Variants in PLS1 observed in about 807,000 individuals in gnomAD.
The protein encoded by PLS1 is plastin-1.
A neutral mutation model predicts 73.7 loss-of-function variants in PLS1; 32 were observed. The observed-to-expected ratio is 0.43, with a 90% CI of 0.33 to 0.58. PLS1 has a LOEUF of 0.58. Ranked by LOEUF, PLS1 falls within the 20% of genes least tolerant of loss-of-function variation. The pLI is 0.04. For synonymous variants in PLS1, 217 were observed against 261.3 expected, an observed-to-expected ratio of 0.83 and a Z score of 1.63; for missense variants, 633 against 740.5, an observed-to-expected ratio of 0.85 and a Z score of 1.68.
chr3:142,712,278 G>T lies in PLS1; in HGVS notation c.*271G>T. The T allele has an allele frequency of 3.7e-6, 1 of 270,792 alleles. No homozygotes were observed. Among genetic ancestry groups the T allele is most frequent in the Non-Finnish European group, 6.9e-6 (1 of 143,978 alleles). The allele number at this position is 270,792 out of a possible 1,614,324, so 16.8% of individuals were successfully genotyped here. A position where few individuals can be genotyped will look rare whatever the true frequency, so the allele number is the denominator to read the frequency against. On this transcript the variant is annotated 3_prime_UTR_variant, in exon 16 of 16. Coordinates refer to ENST00000457734, the MANE Select transcript of PLS1 (RefSeq NM_001145319.2). ...AAATTATTTTTGTTGCTTAAAAGTC[G>T]TATTAGACAAGACTAAATCATTCTT...
chr3:142,686,806 G>A (rs1299706100), intron 9 of PLS1, among the ~76,000 whole-genome samples: 1 of 152,198 alleles, frequency 6.6e-6, no homozygotes, highest in Non-Finnish European at 1.5e-5. Flanking sequence ...CGGAAGAAAG[G>A]GAACTGCGTA....
intron 1 of PLS1, among the ~76,000 whole-genome samples, chr3:142,620,085 A>G (rs2036287296): frequency 6.6e-6 from 1 of 151,874 alleles, no homozygotes; most frequent in African/African-American, 2.4e-5. Context: ...CTCAGGGGTC[A>G]TCACTACCCT....
At chr3:142,694,960 T>TA (rs2038163114) in intron 11 of PLS1, among the ~76,000 whole-genome samples, 1 of 152,184 alleles carries the variant, frequency 6.6e-6, no homozygotes, top group Non-Finnish European at 1.5e-5. Flanking sequence ...AAAAGTAACT[T>TA]GTTTTCCTTG....
chr3:142,684,860 T>G (rs2107892734), intron 8 of PLS1, among the ~76,000 whole-genome samples: 2 of 152,286 alleles, frequency 1.3e-5, no homozygotes, highest in African/African-American at 4.8e-5. Context: ...TTAACCAGGG[T>G]AGCTTAAAAC....
intron 9 of PLS1, 31 bp downstream of exon 9, chr3:142,686,407 T>C: frequency 1.5e-6 from 2 of 1,297,666 alleles, no homozygotes; most frequent in East Asian, 2.3e-5. Context: ...TTAAAATATA[T>C]TGTGGTAAAA....
intron 14 of PLS1, among the ~76,000 whole-genome samples, chr3:142,706,542 CTAAA>C (rs773085177): frequency 6.6e-6 from 1 of 151,894 alleles, no homozygotes; most frequent in Non-Finnish European, 1.5e-5. Flanking sequence ...GGATTTTGGC[CTAAA>C]TAAAGGATAT....
Position 142,664,316 on chromosome 3 carries a change from G to A in PLS1, c.70+9G>A, listed in dbSNP as rs752427577. ...GGCATTTAATAAAATAGGTATGCTT[G>A]AGAAAAAGTAAATATGATATTACTG... On this transcript the variant is annotated intron_variant, in intron 2 of 15. Transcript: ENST00000457734. 6.9e-7 allele frequency: 1 copy of A among 1,450,180 alleles called. No homozygotes were observed. Among genetic ancestry groups the A allele is most frequent in the Non-Finnish European group, 9.6e-7 (1 of 1,039,434 alleles). The allele number at this position is 1,450,180 out of a possible 1,614,324, so 89.8% of individuals were successfully genotyped here. A position where few individuals can be genotyped will look rare whatever the true frequency, so the allele number is the denominator to read the frequency against.
rs552995510 is a variant in PLS1 at position 142,603,710 on chromosome 3, C to T, written c.-37+7201C>T. 1.7e-4 allele frequency among the ~76,000 whole-genome samples: 26 copies of T among 151,212 alleles called. No individual in the cohort carries two copies. In the South Asian group the frequency reaches 5.4e-3, roughly 32 times the overall value. On this transcript the variant is annotated intron_variant, in intron 1 of 15. Transcript: ENST00000457734. ...TTTTGAGCCCAGGAGATTGAGGCTG[C>T]AGTGACCTGAGATTGTGCCACTGCA...
chr3:142,624,966 C>T (rs919721058), intron 1 of PLS1, among the ~76,000 whole-genome samples: 2 of 152,046 alleles, frequency 1.3e-5, no homozygotes, highest in Non-Finnish European at 2.9e-5. Flanking sequence ...CTTTTATGAT[C>T]CCAGTTTAGA....
chr3:142,601,915 AC>A (rs2035934327), intron 1 of PLS1, among the ~76,000 whole-genome samples: 1 of 152,040 alleles, frequency 6.6e-6, no homozygotes, highest in Non-Finnish European at 1.5e-5. Flanking sequence ...CTGAGATTTG[AC>A]CCCAGGCCTA....
intron 2 of PLS1, among the ~76,000 whole-genome samples, chr3:142,665,172 G>T (rs189518198): frequency 1.7e-3 from 263 of 151,302 alleles, no homozygotes; most frequent in Admixed American, 3.9e-3. Flanking sequence ...ATCACCGCTG[G>T]TCTTGTGCTT....
intron 3 of PLS1, among the ~76,000 whole-genome samples, chr3:142,670,315 T>G (rs2107842462): frequency 6.6e-6 from 1 of 152,318 alleles, no homozygotes; most frequent in South Asian, 2.1e-4. Flanking sequence ...GAAAGAAGGT[T>G]TGTGTGACTG....
At chr3:142,620,556 A>C (rs1388808885) in intron 1 of PLS1, among the ~76,000 whole-genome samples, 2 of 152,236 alleles carry the variant, frequency 1.3e-5, no homozygotes, top group African/African-American at 4.8e-5. Context: ...TCTTGCCCCG[A>C]AGGTGCATTT....
At position 142,711,546 on chromosome 3, in the gene PLS1, G is replaced by A. The variant is rs1450488100; in HGVS notation, c.1675G>A (p.Ala559Thr). 1 of 1,601,238 alleles carries A rather than the reference G, an allele frequency of 6.2e-7. No individual in the cohort carries two copies. The highest frequency in any genetic ancestry group is 1.3e-5 in the African/African-American group (1 of 74,642). ...TSLPVLDLID[A>T]IAPNAVRQEM... ...TTTACCTGTCCTAGATTTAATAGAT[G>A]CCATTGCACCAAATGCAGTTCGTCA... The change falls in exon 15 of 16, where the codon GCC becomes ACC. Residue 559 changes from alanine (A) to threonine (T), a missense_variant. Transcript: ENST00000457734.
chr3:142,646,835 C>A (rs547813866), intron 1 of PLS1, among the ~76,000 whole-genome samples: 152 of 152,270 alleles, frequency 1.0e-3, no homozygotes, highest in Non-Finnish European at 1.8e-3. Flanking sequence ...AGTGAAAATA[C>A]CTTAATTGGT....
intron 12 of PLS1, among the ~76,000 whole-genome samples, chr3:142,702,461 G>A (rs1224517122): frequency 6.6e-6 from 1 of 152,112 alleles, no homozygotes; most frequent in Non-Finnish European, 1.5e-5. Flanking sequence ...AAATGTATCT[G>A]TGTACCTTAG....
At chr3:142,632,708 C>G (rs1407337531) in intron 1 of PLS1, among the ~76,000 whole-genome samples, 3 of 151,982 alleles carry the variant, frequency 2.0e-5, no homozygotes, top group Non-Finnish European at 2.9e-5. Context: ...CAGCGATTCT[C>G]CTGTCTTGGC....
Position 142,605,725 on chromosome 3 carries a change from A to C in PLS1, c.-37+9216A>C, listed in dbSNP as rs147668517. Among the ~76,000 whole-genome samples, 171 of 152,326 alleles carry C rather than the reference A, an allele frequency of 1.1e-3. 1 individual carries two copies. Among genetic ancestry groups the C allele is most frequent in the Non-Finnish European group, 1.1e-3 (72 of 68,038 alleles). ...TATGTGCAATTTTTATAAAAGTCTA[A>C]ATGTATTTTATGGCTAACCCTCAAC... On this transcript the variant is annotated intron_variant, in intron 1 of 15. Transcript: ENST00000457734.
chr3:142,693,501 G>A (rs966198004), intron 10 of PLS1, among the ~76,000 whole-genome samples: 1 of 152,188 alleles, frequency 6.6e-6, no homozygotes, highest in Non-Finnish European at 1.5e-5. Context: ...GATGACAGGT[G>A]TAAATGTTTC....
Sources: gnomAD v4.1 joint callset for allele counts (sites outside exome capture counted in the v4.1 genomes callset) on GRCh38, gnomAD v4.1.1 for gene constraint, MANE v1.5 for transcripts, NCBI Gene and HGNC (gene_info 2026-07-23, HGNC 2026-07-21) for gene names.